The following SP3 variants were observed in gnomAD, a reference collection of about 807,000 sequenced individuals.
SP3 encodes the protein Sp3 transcription factor.
In SP3, 10 loss-of-function variants were observed where a neutral mutation model predicts 70.3. That is an observed-to-expected ratio of 0.14 (90% CI 0.09 to 0.24). The LOEUF is 0.24. SP3 is among the 10% of genes least tolerant of loss of function. The pLI is 1.00. For missense variants in SP3, 825 were observed against 914.6 expected, an observed-to-expected ratio of 0.90 and a Z score of 1.26; for synonymous variants, 402 against 333.5, an observed-to-expected ratio of 1.21 and a Z score of -2.24.
intron 4 of SP3, among the ~76,000 whole-genome samples, chr2:173,930,580 A>G (rs959781699): frequency 6.6e-6 from 1 of 152,182 alleles, no homozygotes; most frequent in Non-Finnish European, 1.5e-5. Flanking sequence ...TTAAAATACA[A>G]TTTGTTTTCC....
rs772821623 is a variant in SP3 at position 173,956,025 on chromosome 2, C to T, written c.487G>A (p.Gly163Ser). The T allele has an allele frequency of 5.0e-6, 8 of 1,614,012 alleles. No individual in the cohort carries two copies. The Admixed American group carries it at 8.3e-5, about 17-fold the overall frequency. The change falls in exon 4 of 7, where the codon GGT becomes AGT. Residue 163 changes from glycine (G) to serine (S), a missense_variant. Gly to Ser is a moderately conservative substitution (Grantham distance 56, BLOSUM62 0). Coordinates refer to ENST00000310015, the MANE Select transcript of SP3 (RefSeq NM_003111.5). ...TGATATTGAACACTGGACACTGTAC[C>T]ATTTGATGAATCTGATCCTGGTGCA... Reference protein sequence around the residue: ...SVAPGSDSSNGTVSSVQYQVI... With the variant: ...SVAPGSDSSNSTVSSVQYQVI...
chr2:173,959,934 C>T (rs1490411647), intron 3 of SP3, among the ~76,000 whole-genome samples: 1 of 152,168 alleles, frequency 6.6e-6, no homozygotes, highest in African/African-American at 2.4e-5. Context: ...ACAAACAAAA[C>T]CTAGGCAGGT....
At chr2:173,952,207 C>T (rs532097930) in intron 4 of SP3, among the ~76,000 whole-genome samples, 2 of 151,466 alleles carry the variant, frequency 1.3e-5, no homozygotes, top group South Asian at 4.2e-4. Context: ...AAAATAGCAT[C>T]TAGTTCAGCT....
chr2:173,910,713 CTAGAT>C (rs2105452264), intron 6 of SP3, among the ~76,000 whole-genome samples: 1 of 152,218 alleles, frequency 6.6e-6, no homozygotes, highest in East Asian at 1.9e-4. Context: ...CAGGGTACTT[CTAGAT>C]TAAAGAAATG....
intron 4 of SP3, among the ~76,000 whole-genome samples, chr2:173,927,988 A>G (rs1379266180): frequency 2.0e-5 from 3 of 152,158 alleles, no homozygotes; most frequent in Admixed American, 6.5e-5. Context: ...ATTCATAATT[A>G]TAGTTTTTTA....
At chr2:173,965,662 C>T, upstream of SP3, 1 of 175,962 alleles carries the variant, frequency 5.7e-6, no homozygotes, top group South Asian at 9.4e-5. Context: ...GCAGGCCTAG[C>T]CAAGCTGTAG....
chr2:173,906,297 C>T lies in SP3; in HGVS notation c.*3644G>A, dbSNP rs545172489. 7.2e-5 allele frequency among the ~76,000 whole-genome samples: 11 copies of T among 152,220 alleles called. No homozygotes were observed. The highest frequency in any genetic ancestry group is 6.5e-4 in the Admixed American group (10 of 15,304). On this transcript the variant is annotated 3_prime_UTR_variant, in exon 7 of 7. Coordinates refer to ENST00000310015, the MANE Select transcript of SP3 (RefSeq NM_003111.5). ...CTAATATATATATTTACATTATACG[C>T]AAATCTGTCTGAACAAGGCAAGGGG...
chr2:173,956,337 A>G, intron 3 of SP3, 105 bp from the exon 4 acceptor site: 1 of 1,188,868 alleles, frequency 8.4e-7, no homozygotes, highest in Non-Finnish European at 1.2e-6. Flanking sequence ...AATTCAACTT[A>G]TCTTAAAACA....
rs147301770 is a variant in SP3 at position 173,952,468 on chromosome 2, C to A, written c.1639+2405G>T. Among the ~76,000 whole-genome samples, 5 of 152,236 alleles carry A rather than the reference C, an allele frequency of 3.3e-5. No individual in the cohort carries two copies. The East Asian group carries it at 9.6e-4, about 29-fold the overall frequency. On this transcript the variant is annotated intron_variant, in intron 4 of 6. Coordinates refer to ENST00000310015, the MANE Select transcript of SP3 (RefSeq NM_003111.5). Reference sequence around the variant, plus strand: ...GGCGCTAGAGAGAAATTGGGACTCTCAACACATTGCTGATGAGAATGTAAA... The same window carrying A: ...GGCGCTAGAGAGAAATTGGGACTCTAAACACATTGCTGATGAGAATGTAAA...
intron 6 of SP3, 140 bp from the exon 7 acceptor site, chr2:173,910,397 G>T: frequency 1.6e-6 from 1 of 632,446 alleles, no homozygotes; most frequent in Non-Finnish European, 2.7e-6. Context: ...TTCATTTTAC[G>T]AGCTACCCCT....
At position 173,908,852 on chromosome 2, in the gene SP3, A is replaced by G. The variant is rs1442102893; in HGVS notation, c.*1089T>C. The stretch of plus-strand genomic sequence containing the variant: ...AATGTACTGGATACATATAAATTTT[A>G]AGGGAAGAAGCAAAAAAGGAAAATG... On this transcript the variant is annotated 3_prime_UTR_variant, in exon 7 of 7. Transcript: ENST00000310015. 6.6e-6 allele frequency: 1 copy of G among 152,370 alleles called. No homozygotes were observed. The highest frequency in any genetic ancestry group is 2.4e-5 in the African/African-American group (1 of 41,430). 9.4% of individuals were successfully genotyped at this position (152,370 alleles called of 1,614,324 possible).
intron 4 of SP3, among the ~76,000 whole-genome samples, chr2:173,940,011 C>T (rs1179912451): frequency 6.6e-6 from 1 of 152,002 alleles, no homozygotes. Flanking sequence ...GCAGACAGGA[C>T]TATGGGCACA....
At chr2:173,944,165 G>C (rs1457978235) in intron 4 of SP3, among the ~76,000 whole-genome samples, 1 of 152,222 alleles carries the variant, frequency 6.6e-6, no homozygotes, top group East Asian at 1.9e-4. Flanking sequence ...GTTGCTGGGA[G>C]AATGATGGTC....
chr2:173,958,386 G>A (rs1452128651), intron 3 of SP3, among the ~76,000 whole-genome samples: 1 of 150,964 alleles, frequency 6.6e-6, no homozygotes, highest in African/African-American at 2.4e-5. Flanking sequence ...TGACAAATCT[G>A]AGTAAATATT....
intron 4 of SP3, among the ~76,000 whole-genome samples, chr2:173,931,493 G>A (rs1334831785): frequency 2.0e-5 from 3 of 152,100 alleles, no homozygotes; most frequent in South Asian, 2.1e-4. Context: ...ACAGGTGTGC[G>A]CCATCATGCC....
At chr2:173,937,278 A>C (rs1690236729) in intron 4 of SP3, among the ~76,000 whole-genome samples, 1 of 152,224 alleles carries the variant, frequency 6.6e-6, no homozygotes, top group Admixed American at 6.5e-5. Flanking sequence ...CATATGCAAG[A>C]AAAACCAAGA....
chr2:173,951,274 C>T (rs1026017921), intron 4 of SP3, among the ~76,000 whole-genome samples: 1 of 152,174 alleles, frequency 6.6e-6, no homozygotes, highest in Non-Finnish European at 1.5e-5. Context: ...TCACTTAACT[C>T]AAACCTTTTA....
rs936152251 is a variant in SP3, at chr2:173,907,045, G to T, written c.*2896C>A. 9 of 152,096 alleles carry T rather than the reference G, an allele frequency of 5.9e-5. No homozygotes were observed. The highest frequency in any genetic ancestry group is 1.9e-4 in the African/African-American group (8 of 41,404). The allele number at this position is 152,096 out of a possible 1,614,324, so 9.4% of individuals were successfully genotyped here. On this transcript the variant is annotated 3_prime_UTR_variant, in exon 7 of 7. Coordinates refer to ENST00000310015, the MANE Select transcript of SP3 (RefSeq NM_003111.5). Reference sequence around the variant, plus strand: ...ATTTACAGGGCATCTGACTTTCTGCGGTAGGTGTAGCTCCTTTAAAAGGTT... The same window carrying T: ...ATTTACAGGGCATCTGACTTTCTGCTGTAGGTGTAGCTCCTTTAAAAGGTT...
intron 4 of SP3, among the ~76,000 whole-genome samples, chr2:173,922,251 G>T (rs942018414): frequency 2.0e-5 from 3 of 151,834 alleles, no homozygotes; most frequent in African/African-American, 7.3e-5. Flanking sequence ...GTTATCATGT[G>T]AGGAGCAAGA....
Sources: gnomAD v4.1 joint callset for allele counts (sites outside exome capture counted in the v4.1 genomes callset) on GRCh38, gnomAD v4.1.1 for gene constraint, MANE v1.5 for transcripts, NCBI Gene and HGNC (gene_info 2026-07-23, HGNC 2026-07-21) for gene names.